The following TMPRSS2 variants were observed in gnomAD, a reference collection of about 807,000 sequenced individuals.
TMPRSS2 encodes the protein transmembrane serine protease 2.
A neutral mutation model predicts 67.4 loss-of-function variants in TMPRSS2; 59 were observed. That is an observed-to-expected ratio of 0.88 (90% CI 0.71 to 1.09). TMPRSS2 has a LOEUF of 1.09. Among genes scored for constraint, TMPRSS2 ranks in the 50% least tolerant of loss-of-function variants. The pLI is 0.00. For synonymous variants in TMPRSS2, 257 were observed against 257.0 expected, an observed-to-expected ratio of 1.00 and a Z score of 0.00; for missense variants, 668 against 642.7, an observed-to-expected ratio of 1.04 and a Z score of -0.43.
Position 41,476,586 on chromosome 21 carries a change from G to A in TMPRSS2, c.718C>T (p.Arg240Cys), listed in dbSNP as rs762108701. Reference sequence around the variant, plus strand: ...CTCCAGATGAACTTACCTATACAGCGTAAAGAAACCACTGCTTTTGAAGAA... The same window carrying A: ...CTCCAGATGAACTTACCTATACAGCATAAAGAAACCACTGCTTTTGAAGAA... Reference protein sequence around the residue: ...ACSSKAVVSLRCIACGVNLNS... With the variant: ...ACSSKAVVSLCCIACGVNLNS... The change falls in exon 8 of 14, where the codon CGC becomes TGC. Residue 240 changes from arginine (R) to cysteine (C), a missense_variant. Transcript: ENST00000332149. 32 of 1,613,034 alleles carry A rather than the reference G, an allele frequency of 2.0e-5. No individual in the cohort carries two copies. The highest frequency in any genetic ancestry group is 2.3e-5 in the Non-Finnish European group (27 of 1,179,860).
chr21:41,479,357 C>A, intron 6 of TMPRSS2, 75 bp from the exon 7 acceptor site: 1 of 1,073,188 alleles, frequency 9.3e-7, no homozygotes, highest in Non-Finnish European at 1.4e-6. Flanking sequence ...GTCATAATAC[C>A]GCTCATACGA....
intron 9 of TMPRSS2, 99 bp from the exon 10 acceptor site, chr21:41,472,080 G>T: frequency 1.6e-6 from 2 of 1,255,894 alleles, no homozygotes; most frequent in Non-Finnish European, 2.2e-6. Flanking sequence ...ACACCCAGAG[G>T]CAGGATGGTT....
At chr21:41,504,942 G>T in intron 1 of TMPRSS2, among the ~76,000 whole-genome samples, 1 of 152,208 alleles carries the variant, frequency 6.6e-6, no homozygotes, top group Admixed American at 6.5e-5. Flanking sequence ...GGGCGGGGAA[G>T]AGTAGCAAAG....
chr21:41,507,697 C>T (rs553875292), intron 1 of TMPRSS2, among the ~76,000 whole-genome samples: 54 of 152,360 alleles, frequency 3.5e-4, no homozygotes, highest in African/African-American at 1.2e-3. Flanking sequence ...AAAAGGCGCA[C>T]CGGTGCTCCC....
chr21:41,494,553 T>A lies in TMPRSS2; in HGVS notation c.41A>T (p.Tyr14Phe), dbSNP rs2146484287. The A allele has an allele frequency of 6.2e-7, 1 of 1,613,574 alleles. No homozygotes were observed. Reference protein sequence around the residue: ...NSGSPPAIGPYYENHGYQPEN... With the variant: ...NSGSPPAIGPFYENHGYQPEN... ...CGGTTGGTATCCATGGTTTTCATAG[T>A]AAGGTCCAATAGCTGGTGGTGACCC... The change falls in exon 3 of 14, where the codon TAC (tyrosine) becomes TTC (phenylalanine). Residue 14 changes from tyrosine (Y) to phenylalanine (F), a missense_variant. Transcript: ENST00000332149.
At chr21:41,479,613 A>G (rs954366961) in intron 6 of TMPRSS2, among the ~76,000 whole-genome samples, 3 of 134,788 alleles carry the variant, frequency 2.2e-5, no homozygotes, top group Non-Finnish European at 3.2e-5. Context: ...CCAGTTATCA[A>G]TTCCACCAGG....
chr21:41,497,685 G>A (rs1200001198), intron 2 of TMPRSS2, among the ~76,000 whole-genome samples: 2 of 152,348 alleles, frequency 1.3e-5, no homozygotes, highest in East Asian at 3.9e-4. Flanking sequence ...TCCAAAGGGA[G>A]TGGGCTCCAG....
chr21:41,467,832 C>T lies in TMPRSS2; in HGVS notation c.1369G>A (p.Gly457Arg), dbSNP rs1285324749. The change falls in exon 13 of 14, where the codon GGG (glycine) becomes AGG (arginine). Residue 457 changes from glycine (G) to arginine (R), a missense_variant. Coordinates refer to ENST00000332149, the MANE Select transcript of TMPRSS2 (RefSeq NM_005656.4). ...TSKNNIWWLIGDTSWGSGCAK... is the reference protein window; with the variant it reads ...TSKNNIWWLIRDTSWGSGCAK... ...CAGCCAGAACCCCAGCTTGTATCCCCTATCAGCCACCAGATATTGTTCTTC... is the reference window on the plus strand; with the variant it reads ...CAGCCAGAACCCCAGCTTGTATCCCTTATCAGCCACCAGATATTGTTCTTC... The T allele has an allele frequency of 6.2e-7, 1 of 1,614,154 alleles. No homozygotes were observed. Among genetic ancestry groups the T allele is most frequent in the Admixed American group, 1.7e-5 (1 of 60,014 alleles).
chr21:41,483,918 C>T (rs2091276989), intron 5 of TMPRSS2, among the ~76,000 whole-genome samples: 1 of 151,854 alleles, frequency 6.6e-6, no homozygotes, highest in East Asian at 1.9e-4. Context: ...TCACTTGAGC[C>T]CAGAGTTCGA....
In TMPRSS2 at chr21:41,478,032, C is replaced by T. The variant is rs2091229116; in HGVS notation, c.683+1140G>A. 6.6e-6 allele frequency among the ~76,000 whole-genome samples: 1 copy of T among 152,214 alleles called. No individual in the cohort carries two copies. The highest frequency in any genetic ancestry group is 2.4e-5 in the African/African-American group (1 of 41,456). Reference sequence around the variant, plus strand: ...CTCCCCCCGTCCCTGCCCGGCTGGACTTGGCTCCCTGATTCCGTGTGTAAC... The same window carrying T: ...CTCCCCCCGTCCCTGCCCGGCTGGATTTGGCTCCCTGATTCCGTGTGTAAC... On this transcript the variant is annotated intron_variant, in intron 7 of 13. Coordinates refer to ENST00000332149, the MANE Select transcript of TMPRSS2 (RefSeq NM_005656.4). This position sits in a 1 kb window ranked among gnomAD's most constrained non-coding sequence, Gnocchi z 4.0.
intron 5 of TMPRSS2, among the ~76,000 whole-genome samples, 186 bp from the exon 6 acceptor site, chr21:41,480,788 A>C (rs899429174): frequency 6.6e-6 from 1 of 151,946 alleles, no homozygotes; most frequent in African/African-American, 2.4e-5. Context: ...ACAGGCGTCC[A>C]CCACCCCGTC....
chr21:41,490,363 C>T (rs2091326806), intron 3 of TMPRSS2, among the ~76,000 whole-genome samples: 1 of 152,140 alleles, frequency 6.6e-6, no homozygotes, highest in Admixed American at 6.5e-5. Context: ...GCTACTGTCC[C>T]ATTCGGACAT....
chr21:41,468,491 T>C lies in TMPRSS2; in HGVS notation c.1219A>G (p.Thr407Ala), dbSNP rs2091103414. The C allele has an allele frequency of 3.7e-6, 6 of 1,614,156 alleles. No homozygotes were observed. The highest frequency in any genetic ancestry group is 4.2e-6 in the Non-Finnish European group (5 of 1,180,006). Reference sequence around the variant, plus strand: ...ACATATCTGCTGTTGCATCTCTGTGTCTCAATGAGAAGCACCTTGGCAGCG... The same window carrying C: ...ACATATCTGCTGTTGCATCTCTGTGCCTCAATGAGAAGCACCTTGGCAGCG... ...LNAAKVLLIE[T>A]QRCNSRYVYD... is the part of the protein sequence containing the mutation. Residue 407 changes from threonine to alanine, a missense_variant, in exon 12 of 14, where the codon ACA becomes GCA. By Grantham distance (58) the Thr-to-Ala change is moderately conservative (BLOSUM62 0). Transcript: ENST00000332149.
chr21:41,468,562 G>T (rs1382977389), intron 11 of TMPRSS2, 24 bp from the exon 12 acceptor site: 2 of 1,612,998 alleles, frequency 1.2e-6, no homozygotes, highest in Non-Finnish European at 1.7e-6. Context: ...GACTTGTTGA[G>T]CTCCCAGTGT....
chr21:41,468,245 G>A (rs743542), intron 12 of TMPRSS2, 151 bp downstream of exon 12: 79,312 of 928,168 alleles, frequency 0.085, 4,883 homozygotes, highest in East Asian at 0.27. Flanking sequence ...AGAAGCGTTC[G>A]CACTGTTTGT....
intron 10 of TMPRSS2, among the ~76,000 whole-genome samples, chr21:41,471,329 A>T (rs2091131819): frequency 1.3e-5 from 2 of 152,190 alleles, no homozygotes; most frequent in African/African-American, 2.4e-5. Flanking sequence ...AAAATCAAGG[A>T]TCTTTACACA....
rs1055554990 is a variant in TMPRSS2 at position 41,478,167 on chromosome 21, G to A, written c.683+1005C>T. Among the ~76,000 whole-genome samples, 9 of 152,228 alleles carry A rather than the reference G, an allele frequency of 5.9e-5. No homozygotes were observed. The highest frequency in any genetic ancestry group is 1.2e-4 in the African/African-American group (5 of 41,454). Reference sequence around the variant, plus strand: ...GCTGTTTTGATGGGTGCACCTGGCCGTGCACAGCCCTCCCCACTGGGCTTG... The same window carrying A: ...GCTGTTTTGATGGGTGCACCTGGCCATGCACAGCCCTCCCCACTGGGCTTG... On this transcript the variant is annotated intron_variant, in intron 7 of 13. Transcript: ENST00000332149. The surrounding 1 kb of genome is among the most constrained non-coding windows in gnomAD (Gnocchi z 4.0).
intron 5 of TMPRSS2, among the ~76,000 whole-genome samples, chr21:41,483,539 C>G (rs2091273029): frequency 6.6e-6 from 1 of 151,950 alleles, no homozygotes; most frequent in Non-Finnish European, 1.5e-5. Flanking sequence ...CCCCTCCGCC[C>G]CCCACCTCGG....
chr21:41,469,063 T>A (rs1019638824), intron 11 of TMPRSS2, among the ~76,000 whole-genome samples: 6 of 152,114 alleles, frequency 3.9e-5, no homozygotes, highest in Admixed American at 2.0e-4. Flanking sequence ...CCCTCGGGCA[T>A]CTTCTGGGCA....
Sources: gnomAD v4.1 joint callset for allele counts (sites outside exome capture counted in the v4.1 genomes callset) on GRCh38, gnomAD v4.1.1 for gene constraint, Gnocchi (gnomAD v3.1) non-coding constraint, MANE v1.5 for transcripts, NCBI Gene and HGNC (gene_info 2026-07-23, HGNC 2026-07-21) for gene names.